Variants in PPL observed in about 807,000 individuals in gnomAD.
PPL encodes 190 kDa paraneoplastic pemphigus antigen.
In PPL, 198 loss-of-function variants were observed where a neutral mutation model predicts 194.4. The ratio of observed to expected loss-of-function variants is 1.02; its 90% CI spans 0.91 to 1.15. The LOEUF is 1.15. Among genes scored for constraint, PPL ranks in the 50% most tolerant of loss-of-function variants. The pLI, the probability that PPL is intolerant of heterozygous loss-of-function variation, is 0.00. For synonymous variants in PPL, 1,220 were observed against 972.4 expected, an observed-to-expected ratio of 1.25 and a Z score of -4.74; for missense variants, 2,885 against 2,294.8, an observed-to-expected ratio of 1.26 and a Z score of -5.25.
chr16:4,890,659 G>A lies in PPL; in HGVS notation c.2162+69C>T. 9 of 1,492,290 alleles carry A rather than the reference G, an allele frequency of 6.0e-6. No individual in the cohort carries two copies. In the South Asian group the frequency reaches 1.0e-4, roughly 17 times the overall value. 92.4% of individuals were successfully genotyped at this position (1,492,290 alleles called of 1,614,324 possible). On this transcript the variant is annotated intron_variant, in intron 17 of 21. Coordinates refer to ENST00000345988, the MANE Select transcript of PPL (RefSeq NM_002705.5). ...GCAAAATCTGTGGGACACGGCTAAA[G>A]CATTGCTTAGAGGGAATTAGATCGC...
chr16:4,918,989 G>A (rs1596578825), intron 1 of PPL, among the ~76,000 whole-genome samples: 1 of 152,152 alleles, frequency 6.6e-6, no homozygotes, highest in Non-Finnish European at 1.5e-5. Flanking sequence ...GATGGAGGCC[G>A]AGACACAGCC....
chr16:4,934,969 G>T (rs1341266624), intron 1 of PPL, among the ~76,000 whole-genome samples: 1 of 152,212 alleles, frequency 6.6e-6, no homozygotes, highest in African/African-American at 2.4e-5. Context: ...CTGTGCTGGG[G>T]TGGCAAGGCT....
chr16:4,891,759 A>G, intron 16 of PPL, 52 bp downstream of exon 16: 3 of 1,545,096 alleles, frequency 1.9e-6, no homozygotes, highest in Non-Finnish European at 2.6e-6. Flanking sequence ...GATGTGCCAG[A>G]TGCTCTCACC....
chr16:4,892,990 G>A, intron 14 of PPL: 1 of 538,482 alleles, frequency 1.9e-6, no homozygotes, highest in South Asian at 3.4e-5. Context: ...GACAAGCCGT[G>A]CAGGAACAAT....
At chr16:4,888,040 T>C in intron 20 of PPL, 62 bp downstream of exon 20, 1 of 1,211,656 alleles carries the variant, frequency 8.3e-7, no homozygotes, top group Non-Finnish European at 1.2e-6. Flanking sequence ...CCATGCTCCC[T>C]GGGGAGCAGG....
chr16:4,932,660 C>T (rs1049610840), intron 1 of PPL, among the ~76,000 whole-genome samples: 6 of 152,058 alleles, frequency 3.9e-5, no homozygotes, highest in Non-Finnish European at 7.4e-5. Context: ...TCAAGTGATC[C>T]GTCCGCCTTA....
intron 1 of PPL, among the ~76,000 whole-genome samples, chr16:4,933,258 CAA>C (rs1491363430): frequency 6.6e-6 from 1 of 152,102 alleles, no homozygotes; most frequent in Non-Finnish European, 1.5e-5. Context: ...GCTCTCCCCT[CAA>C]AGCCTGGGGT....
At chr16:4,892,826 C>T (rs1057121230) in intron 14 of PPL, 6 of 178,474 alleles carry the variant, frequency 3.4e-5, no homozygotes, top group Non-Finnish European at 7.0e-5. Flanking sequence ...ACCCTGTCCT[C>T]GCCACTGCCC....
rs1466767405 is a variant in PPL at position 4,883,911 on chromosome 16, G to A, written c.4744C>T (p.Leu1582Phe). Residue 1582 changes from leucine to phenylalanine, a missense_variant, in exon 22 of 22, where the codon CTC becomes TTC. Leu to Phe is a conservative substitution (Grantham distance 22). Coordinates refer to ENST00000345988, the MANE Select transcript of PPL (RefSeq NM_002705.5). This position sits in a 1 kb window ranked among gnomAD's most constrained non-coding sequence, Gnocchi z 4.8. ...GCTGCCATGTTGATTTCCGATTGGA[G>A]CCTTCGGGTCTCCAGCTGCAGGTTT... ...RQNLQLETRR[L>F]QSEINMAATE... The A allele has an allele frequency of 3.2e-5, 52 of 1,613,906 alleles. No individual in the cohort carries two copies. Among genetic ancestry groups the A allele is most frequent in the Non-Finnish European group, 4.4e-5 (52 of 1,180,042 alleles).
chr16:4,927,602 G>C (rs904837756), intron 1 of PPL, among the ~76,000 whole-genome samples: 7 of 152,356 alleles, frequency 4.6e-5, no homozygotes, highest in African/African-American at 1.7e-4. Flanking sequence ...ATGAATACCA[G>C]ATTGATTGGT....
intron 1 of PPL, among the ~76,000 whole-genome samples, chr16:4,935,826 A>G (rs569340310): frequency 3.3e-5 from 5 of 152,294 alleles, no homozygotes; most frequent in African/African-American, 1.2e-4. Flanking sequence ...CTAGGGAAGA[A>G]GTGAGGAGCT....
rs754998388 is a variant in PPL at position 4,893,296 on chromosome 16, TCTC to T, written c.1564_1566del (p.Glu522del). On this transcript the variant is annotated inframe_deletion, in exon 14 of 22. Transcript: ENST00000345988. ...GGCCGCAGGATCCCTGTGATGGCCT[TCTC>T]CTGCCGGTCCAGGTCGCTGGCCACC... 1.2e-6 allele frequency: 2 copies of T among 1,605,710 alleles called. No individual in the cohort carries two copies. Among genetic ancestry groups the T allele is most frequent in the Non-Finnish European group, 1.7e-6 (2 of 1,178,646 alleles).
chr16:4,890,928 G>C lies in PPL; in HGVS notation c.1969-7C>G. 3 of 1,508,890 alleles carry C rather than the reference G, an allele frequency of 2.0e-6. No homozygotes were observed. The highest frequency in any genetic ancestry group is 2.7e-6 in the Non-Finnish European group (3 of 1,121,964). 93.5% of individuals were successfully genotyped at this position (1,508,890 alleles called of 1,614,324 possible). On this transcript the variant is annotated splice_polypyrimidine_tract_variant and splice_region_variant and intron_variant, in intron 16 of 21. Coordinates refer to ENST00000345988, the MANE Select transcript of PPL (RefSeq NM_002705.5). ...GTAACTCACAGGCCATGGCCTGGCGGGGCAGAGGAGGAGACGGCGGTGCTA... is the reference window on the plus strand; with the variant it reads ...GTAACTCACAGGCCATGGCCTGGCGCGGCAGAGGAGGAGACGGCGGTGCTA...
In PPL at chr16:4,899,509, G is replaced by GAGGACAAGCCCAGCTATGGGTGGCCTA. The variant is rs2088508915; in HGVS notation, c.607-126_607-125insTAGGCCACCCATAGCTGGGCTTGTCCT. 38 of 1,293,814 alleles carry GAGGACAAGCCCAGCTATGGGTGGCCTA rather than the reference G, an allele frequency of 2.9e-5. No homozygotes were observed. The South Asian group carries it at 5.4e-4, about 18-fold the overall frequency. The allele number at this position is 1,293,814 out of a possible 1,614,324, so 80.1% of individuals were successfully genotyped here. A position where few individuals can be genotyped will look rare whatever the true frequency, so the allele number is the denominator to read the frequency against. On this transcript the variant is annotated intron_variant, in intron 6 of 21. Transcript: ENST00000345988. Reference sequence around the variant, plus strand: ...GGACAAGCCCAGCTATGGGTGGCCTGAGGACAAGCCCAGCTTAGCCACGTC... The same window carrying GAGGACAAGCCCAGCTATGGGTGGCCTA: ...GGACAAGCCCAGCTATGGGTGGCCTGAGGACAAGCCCAGCTATGGGTGGCCTAAGGACAAGCCCAGCTTAGCCACGTC...
rs770399852 is a variant in PPL at position 4,885,231 on chromosome 16, C to T, written c.3424G>A (p.Ala1142Thr). ...TCCCTCTGGCTAGCGCGAGCCTTGG[C>T]AGCCTCGTCCTCATATTGGCGGGTG... ...DLTRQYEDEAAKARASQREKT... is the reference protein window; with the variant it reads ...DLTRQYEDEATKARASQREKT... The change falls in exon 22 of 22, where the codon GCC becomes ACC. Residue 1142 changes from alanine to threonine, a missense_variant. Physicochemically the swap from Ala to Thr is moderately conservative, Grantham distance 58. Coordinates refer to ENST00000345988, the MANE Select transcript of PPL (RefSeq NM_002705.5). This position sits in a 1 kb window ranked among gnomAD's most constrained non-coding sequence, Gnocchi z 6.3. The T allele has an allele frequency of 9.3e-6, 15 of 1,613,792 alleles. No individual in the cohort carries two copies. The highest frequency in any genetic ancestry group is 5.3e-5 in the African/African-American group (4 of 74,902).
intron 1 of PPL, among the ~76,000 whole-genome samples, chr16:4,924,584 A>G (rs1265535398): frequency 2.0e-5 from 3 of 152,120 alleles, no homozygotes; most frequent in African/African-American, 4.8e-5. Flanking sequence ...ACACTCACTG[A>G]TTAGATGTCT....
At chr16:4,898,444 C>T (rs1252487233) in intron 8 of PPL, among the ~76,000 whole-genome samples, 1 of 152,140 alleles carries the variant, frequency 6.6e-6, no homozygotes, top group Non-Finnish European at 1.5e-5. Context: ...AAGATCTTTG[C>T]AGATGTCATT....
chr16:4,937,125 G>C lies in PPL; in HGVS notation c.-80C>G. On this transcript the variant is annotated 5_prime_UTR_variant, in exon 1 of 22. Coordinates refer to ENST00000345988, the MANE Select transcript of PPL (RefSeq NM_002705.5). Reference sequence around the variant, plus strand: ...GGCGGGCGGGAGCGCAGGTGAGCGAGCGGCGGCGCGGGGAGCCCGGACTGC... The same window carrying C: ...GGCGGGCGGGAGCGCAGGTGAGCGACCGGCGGCGCGGGGAGCCCGGACTGC... The C allele has an allele frequency of 1.0e-6, 1 of 995,322 alleles. No individual in the cohort carries two copies. Among genetic ancestry groups the C allele is most frequent in the Non-Finnish European group, 1.2e-6 (1 of 817,546 alleles). 61.7% of individuals were successfully genotyped at this position (995,322 alleles called of 1,614,324 possible).
At chr16:4,890,635 C>T in intron 17 of PPL, 93 bp downstream of exon 17, 1 of 1,427,044 alleles carries the variant, frequency 7.0e-7, no homozygotes, top group Non-Finnish European at 9.4e-7. Flanking sequence ...AGAAAAACAG[C>T]AAAATCTGTG....
Sources: allele counts gnomAD v4.1 joint callset (sites outside exome capture counted in the v4.1 genomes callset), GRCh38; gene constraint gnomAD v4.1.1; non-coding constraint Gnocchi (gnomAD v3.1); transcripts MANE v1.5; gene names NCBI Gene and HGNC (gene_info 2026-07-23, HGNC 2026-07-21).